The following ANO2 variants were observed in gnomAD, a reference collection of about 807,000 sequenced individuals.
ANO2 encodes anoctamin-2.
A neutral mutation model predicts 124.2 loss-of-function variants in ANO2; 101 were observed. The observed-to-expected ratio is 0.81, with a 90% confidence interval of 0.69 to 0.96. The LOEUF (loss-of-function observed/expected upper bound fraction) is 0.96. Among genes scored for constraint, ANO2 ranks in the 40% least tolerant of loss-of-function variants. ANO2 has a pLI of 0.00. For synonymous variants in ANO2, 486 were observed against 482.5 expected, an observed-to-expected ratio of 1.01 and a Z score of -0.09; for missense variants, 1,293 against 1,274.5, an observed-to-expected ratio of 1.01 and a Z score of -0.22.
intron 17 of ANO2, among the ~76,000 whole-genome samples, chr12:5,614,565 C>G (rs1203379616): frequency 1.3e-5 from 2 of 152,202 alleles, no homozygotes; most frequent in African/African-American, 4.8e-5. Flanking sequence ...ACCTCCTAAA[C>G]CTGGCTCTAT....
intron 3 of ANO2, among the ~76,000 whole-genome samples, chr12:5,897,779 A>G (rs1307441265): frequency 6.6e-6 from 1 of 152,208 alleles, no homozygotes; most frequent in African/African-American, 2.4e-5. Flanking sequence ...GTGGACTTAA[A>G]TGTGAAAAGT....
chr12:5,755,369 T>C (rs1951547757), intron 10 of ANO2, among the ~76,000 whole-genome samples: 1 of 148,698 alleles, frequency 6.7e-6, no homozygotes, highest in African/African-American at 2.5e-5. Flanking sequence ...CTTTTTTACA[T>C]TTATTTATTT....
intron 4 of ANO2, among the ~76,000 whole-genome samples, chr12:5,844,458 T>A (rs3892238): frequency 0.069 from 10,579 of 152,294 alleles, 558 homozygotes; most frequent in African/African-American, 0.15. Flanking sequence ...ACAATCAGAA[T>A]GTAACTGACC....
At chr12:5,680,278 T>A (rs1040558801) in intron 14 of ANO2, among the ~76,000 whole-genome samples, 1 of 152,124 alleles carries the variant, frequency 6.6e-6, no homozygotes, top group South Asian at 2.1e-4. Context: ...TCTGCACATG[T>A]GCCCCAGAAC....
intron 14 of ANO2, among the ~76,000 whole-genome samples, chr12:5,674,427 TC>T (rs869106238): frequency 1.7e-5 from 2 of 115,302 alleles, no homozygotes; most frequent in African/African-American, 2.6e-5. Flanking sequence ...ACATGTCAAC[TC>T]TCCCCACGCA....
Position 5,847,179 on chromosome 12 carries a change from G to T in ANO2, c.633+6864C>A, listed in dbSNP as rs528382762. ...AAGGCCGGAATAGAACAAAAAGGCTGACCTTCCCACAGGTAAGGGGAAACT... is the reference window on the plus strand; with the variant it reads ...AAGGCCGGAATAGAACAAAAAGGCTTACCTTCCCACAGGTAAGGGGAAACT... On this transcript the variant is annotated intron_variant, in intron 4 of 24. Transcript: ENST00000682330. Among the ~76,000 whole-genome samples the T allele has an allele frequency of 1.2e-4, 19 of 152,320 alleles. 1 individual carries two copies. In the South Asian group the frequency reaches 3.5e-3, roughly 28 times the overall value.
At chr12:5,914,060 C>A (rs1941222173) in intron 3 of ANO2, among the ~76,000 whole-genome samples, 2 of 152,010 alleles carry the variant, frequency 1.3e-5, no homozygotes, top group Admixed American at 1.3e-4. Context: ...ATTAGCTGGG[C>A]ATGGTGTTGT....
intron 3 of ANO2, among the ~76,000 whole-genome samples, chr12:5,883,036 C>G (rs1938610797): frequency 6.6e-6 from 1 of 152,114 alleles, no homozygotes; most frequent in Non-Finnish European, 1.5e-5. Context: ...GCCTGAGCTC[C>G]TTATCAGTAG....
intron 24 of ANO2, 96 bp from the exon 25 acceptor site, chr12:5,563,664 T>G (rs1449925869): frequency 6.7e-7 from 1 of 1,495,640 alleles, no homozygotes; most frequent in Non-Finnish European, 9.1e-7. Context: ...AATCCTGGCT[T>G]TGCAACTTAC....
At chr12:5,722,330 C>A (rs1177882593) in intron 14 of ANO2, among the ~76,000 whole-genome samples, 1 of 152,096 alleles carries the variant, frequency 6.6e-6, no homozygotes, top group Non-Finnish European at 1.5e-5. Flanking sequence ...CACGGTGAAA[C>A]CCCGTCTCTA....
Position 5,799,568 on chromosome 12 carries a change from G to A in ANO2, c.994C>T (p.Leu332=), listed in dbSNP as rs549255040. The change falls in exon 10 of 25, where the codon CTA becomes TTA. Residue 332 remains leucine, a synonymous_variant. Transcript: ENST00000682330. The part of the protein sequence containing the change: ...PEDDMNDRKL[L]YQEWARYGVF... ...CCATAGCGCGCCCATTCTTGATATA[G>A]CAGCTAAACAAAGAAAATAAGGAAA... 1 of 1,613,772 alleles carries A rather than the reference G, an allele frequency of 6.2e-7. No homozygotes were observed. Among genetic ancestry groups the A allele is most frequent in the African/African-American group, 1.3e-5 (1 of 75,034 alleles).
At chr12:5,848,023 C>T (rs1418778138) in intron 4 of ANO2, among the ~76,000 whole-genome samples, 2 of 152,200 alleles carry the variant, frequency 1.3e-5, no homozygotes, top group Non-Finnish European at 2.9e-5. Flanking sequence ...AATTTTCACA[C>T]ATTACTCTGT....
intron 14 of ANO2, among the ~76,000 whole-genome samples, chr12:5,728,932 C>T (rs1026661853): frequency 3.3e-5 from 5 of 152,284 alleles, no homozygotes; most frequent in East Asian, 1.9e-4. Flanking sequence ...TGAATATCTA[C>T]ATGCAGAAAA....
At chr12:5,903,628 A>G (rs1255194061) in intron 3 of ANO2, among the ~76,000 whole-genome samples, 2 of 148,744 alleles carry the variant, frequency 1.3e-5, no homozygotes, top group African/African-American at 5.1e-5. Flanking sequence ...TTACAGTAAG[A>G]CAGCTAGGAT....
At chr12:5,666,656 TC>T (rs1179648679) in intron 14 of ANO2, among the ~76,000 whole-genome samples, 1 of 149,496 alleles carries the variant, frequency 6.7e-6, no homozygotes, top group Non-Finnish European at 1.5e-5. Context: ...ACCCCTTTTT[TC>T]CCCCTGATCT....
At chr12:5,630,241 G>A (rs977159640) in intron 16 of ANO2, among the ~76,000 whole-genome samples, 2 of 152,240 alleles carry the variant, frequency 1.3e-5, no homozygotes, top group African/African-American at 4.8e-5. Context: ...AGGAAGCCAA[G>A]CGGGTGTTAA....
At chr12:5,735,549 A>G (rs544922765) in intron 13 of ANO2, among the ~76,000 whole-genome samples, 1 of 152,330 alleles carries the variant, frequency 6.6e-6, no homozygotes, top group Non-Finnish European at 1.5e-5. Flanking sequence ...TGAGTAAACC[A>G]GCACACGAAT....
At chr12:5,774,619 G>A (rs77771974) in intron 10 of ANO2, among the ~76,000 whole-genome samples, 1,563 of 152,226 alleles carry the variant, frequency 0.01, 26 homozygotes, top group African/African-American at 0.036. Context: ...AAAAGCTCAC[G>A]GGCAATGTTG....
intron 1 of ANO2, among the ~76,000 whole-genome samples, chr12:5,938,732 G>A (rs1942761962): frequency 6.6e-6 from 1 of 152,114 alleles, no homozygotes; most frequent in Admixed American, 6.5e-5. Context: ...GGCTGAGGCA[G>A]GAGAATTGCT....
Sources: allele counts gnomAD v4.1 joint callset (sites outside exome capture counted in the v4.1 genomes callset), GRCh38; gene constraint gnomAD v4.1.1; transcripts MANE v1.5; gene names NCBI Gene and HGNC (gene_info 2026-07-23, HGNC 2026-07-21).